The following SPPL2A variants were observed in gnomAD, a reference collection of about 807,000 sequenced individuals.
SPPL2A encodes signal peptide peptidase-like 2A.
In SPPL2A, 51 loss-of-function variants were observed where a neutral mutation model predicts 63.8. The ratio of observed to expected loss-of-function variants is 0.80; its 90% CI spans 0.64 to 1.01. SPPL2A has a LOEUF of 1.01. SPPL2A is among the 50% of genes least tolerant of loss of function. The pLI is 0.00. For synonymous variants in SPPL2A, 188 were observed against 205.8 expected, an observed-to-expected ratio of 0.91 and a Z score of 0.74; for missense variants, 553 against 622.7, an observed-to-expected ratio of 0.89 and a Z score of 1.19.
intron 9 of SPPL2A, 43 bp downstream of exon 9, chr15:50,732,560 T>TA: frequency 7.9e-7 from 1 of 1,259,550 alleles, no homozygotes; most frequent in Non-Finnish European, 1.1e-6. Flanking sequence ...AGTTGTCTTT[T>TA]AAAAATTTAT....
Position 50,707,643 on chromosome 15 carries a change from T to C in SPPL2A, c.*157A>G. 1 of 570,844 alleles carries C rather than the reference T, an allele frequency of 1.8e-6. No individual in the cohort carries two copies. The highest frequency in any genetic ancestry group is 2.4e-5 in the South Asian group (1 of 41,454). 35.4% of individuals were successfully genotyped at this position (570,844 alleles called of 1,614,324 possible). On this transcript the variant is annotated 3_prime_UTR_variant, in exon 15 of 15. Coordinates refer to ENST00000261854, the MANE Select transcript of SPPL2A (RefSeq NM_032802.4). ...TAACATTAAAAGCAAAGCGTTTTAG[T>C]TATTTATGATGTAACTGTCAGTACC...
rs137939227 is a variant in SPPL2A at position 50,729,150 on chromosome 15, A to C, written c.1089+1815T>G. 9.0e-4 allele frequency among the ~76,000 whole-genome samples: 137 copies of C among 152,258 alleles called. 1 individual carries two copies. The highest frequency in any genetic ancestry group is 3.1e-3 in the African/African-American group (129 of 41,544). ...GTATTTTTAGTAGAGATACAGTTTTACCATGTTGGCCAGGCTGGTCTCGAA... is the reference window on the plus strand; with the variant it reads ...GTATTTTTAGTAGAGATACAGTTTTCCCATGTTGGCCAGGCTGGTCTCGAA... On this transcript the variant is annotated intron_variant, in intron 10 of 14. Coordinates refer to ENST00000261854, the MANE Select transcript of SPPL2A (RefSeq NM_032802.4).
intron 8 of SPPL2A, among the ~76,000 whole-genome samples, chr15:50,734,671 T>C (rs1271961892): frequency 6.6e-6 from 1 of 151,786 alleles, no homozygotes; most frequent in Non-Finnish European, 1.5e-5. Context: ...ACTAAAAGAG[T>C]GAAATTGGAA....
chr15:50,757,505 T>C (rs1372051273), intron 1 of SPPL2A, among the ~76,000 whole-genome samples: 2 of 152,176 alleles, frequency 1.3e-5, no homozygotes, highest in Non-Finnish European at 2.9e-5. Context: ...TACAGGCCAA[T>C]TCCTTCAGAC....
intron 14 of SPPL2A, among the ~76,000 whole-genome samples, chr15:50,710,497 A>T (rs1454835926): frequency 1.3e-5 from 2 of 152,214 alleles, no homozygotes; most frequent in Non-Finnish European, 2.9e-5. Context: ...ACAAAGTTTT[A>T]AAAAATATGA....
chr15:50,716,677 C>A (rs188059835), intron 14 of SPPL2A, among the ~76,000 whole-genome samples: 1 of 152,268 alleles, frequency 6.6e-6, no homozygotes, highest in African/African-American at 2.4e-5. Context: ...GATTTAATGT[C>A]AACTCACAAT....
At position 50,757,089 on chromosome 15, in the gene SPPL2A, C is replaced by CTTTTTTTTCTTTTTT. The variant is rs1555445041; in HGVS notation, c.67-7344_67-7343insAAAAAAGAAAAAAAA. Reference sequence around the variant, plus strand: ...GTTCCTCCCACATCCTAAATCCTTTCTTTTTTTTTTTGAGACAGAGTCTCA... The same window carrying CTTTTTTTTCTTTTTT: ...GTTCCTCCCACATCCTAAATCCTTTCTTTTTTTTCTTTTTTTTTTTTTTTTTGAGACAGAGTCTCA... On this transcript the variant is annotated intron_variant, in intron 1 of 14. Transcript: ENST00000261854. Among the ~76,000 whole-genome samples the CTTTTTTTTCTTTTTT allele has an allele frequency of 3.1e-5, 4 of 128,374 alleles. 1 individual carries two copies. The highest frequency in any genetic ancestry group is 1.2e-4 in the African/African-American group (4 of 32,656). 84.2% of individuals were successfully genotyped at this position (128,374 alleles called of 152,430 possible).
At chr15:50,746,212 G>T (rs1209608168) in intron 5 of SPPL2A, among the ~76,000 whole-genome samples, 1 of 151,700 alleles carries the variant, frequency 6.6e-6, no homozygotes, top group Non-Finnish European at 1.5e-5. Context: ...GGCCAAGGCG[G>T]GCAGATCAAA....
In SPPL2A at chr15:50,749,879, T is replaced by C. The variant is rs573644803; in HGVS notation, c.67-133A>G. On this transcript the variant is annotated intron_variant, in intron 1 of 14. Transcript: ENST00000261854. ...GGATGGTCTTCCATGAATTTGTTTC[T>C]TCTTGTTTGAGGAAATAAAAAGGAT... The C allele has an allele frequency of 1.7e-4, 110 of 642,512 alleles. 1 individual carries two copies. The East Asian group carries it at 2.8e-3, about 17-fold the overall frequency. The allele number at this position is 642,512 out of a possible 1,614,324, so 39.8% of individuals were successfully genotyped here. A position where few individuals can be genotyped will look rare whatever the true frequency, so the allele number is the denominator to read the frequency against.
Position 50,748,868 on chromosome 15 carries a change from A to G in SPPL2A, c.180T>C (p.Thr60=), listed in dbSNP as rs575163289. 5 of 1,561,594 alleles carry G rather than the reference A, an allele frequency of 3.2e-6. No individual in the cohort carries two copies. In the East Asian group the frequency reaches 1.2e-4, roughly 36 times the overall value. The change falls in exon 3 of 15, where the codon ACT becomes ACC. Residue 60 remains threonine (T), a splice_region_variant and synonymous_variant. Transcript: ENST00000261854. ...AAGTCAGATTCATCAAACTAATGGA[A>G]GTCTGAAAATAAGAAATGTCTTTTT... The part of the protein sequence containing the change: ...TALPSTLENA[T]SISLMNLTST...
chr15:50,752,907 G>C (rs934509524), intron 1 of SPPL2A, among the ~76,000 whole-genome samples: 1 of 152,034 alleles, frequency 6.6e-6, no homozygotes, highest in East Asian at 1.9e-4. Flanking sequence ...GCATGCTGCT[G>C]CTCAAGTGGT....
chr15:50,706,379 G>A lies in SPPL2A; in HGVS notation c.*1421C>T, dbSNP rs1181080497. 2.7e-5 allele frequency: 3 copies of A among 112,238 alleles called. No homozygotes were observed. The highest frequency in any genetic ancestry group is 1.0e-4 in the African/African-American group (3 of 29,658). The allele number at this position is 112,238 out of a possible 1,614,324, so 7.0% of individuals were successfully genotyped here. A position where few individuals can be genotyped will look rare whatever the true frequency, so the allele number is the denominator to read the frequency against. On this transcript the variant is annotated 3_prime_UTR_variant, in exon 15 of 15. Coordinates refer to ENST00000261854, the MANE Select transcript of SPPL2A (RefSeq NM_032802.4). ...CACTCCAGCCTGGGCGACAGAGCGA[G>A]ACTCCGTCTCAAAAAAAAAAAAAAA...
At chr15:50,721,993 C>A in intron 13 of SPPL2A, 131 bp downstream of exon 13, 1 of 573,764 alleles carries the variant, frequency 1.7e-6, no homozygotes, top group Non-Finnish European at 3.1e-6. Context: ...CCTGCCTTGG[C>A]CCCCAAAGTG....
intron 8 of SPPL2A, among the ~76,000 whole-genome samples, 167 bp downstream of exon 8, chr15:50,735,934 G>A (rs1044852722): frequency 2.0e-5 from 3 of 152,106 alleles, no homozygotes; most frequent in Non-Finnish European, 2.9e-5. Context: ...CTCTATATGA[G>A]TTCAAATGCA....
chr15:50,736,736 A>G lies in SPPL2A; in HGVS notation c.738T>C (p.Tyr246=). The G allele has an allele frequency of 6.3e-7, 1 of 1,578,478 alleles. No homozygotes were observed. Among genetic ancestry groups the G allele is most frequent in the Non-Finnish European group, 8.7e-7 (1 of 1,148,878 alleles). ...LLYFFYKWLV[Y]VMIAIFCIAS... ...CTATGCAGAAAATTGCTATCATAAC[A>G]TAAACTGAAAAAAACAAAACACTAA... is the stretch of plus-strand genomic sequence containing the variant. The change falls in exon 7 of 15, where the codon TAT becomes TAC. Residue 246 remains tyrosine, a synonymous_variant. Coordinates refer to ENST00000261854, the MANE Select transcript of SPPL2A (RefSeq NM_032802.4).
chr15:50,712,670 TC>T (rs376175768), intron 14 of SPPL2A, among the ~76,000 whole-genome samples: 4,246 of 53,862 alleles, frequency 0.079, 161 homozygotes, highest in African/African-American at 0.23. Context: ...CCTCCCTCCC[TC>T]CCCCCCCCTT....
rs79563377 is a variant in SPPL2A at position 50,747,005 on chromosome 15, T to C, written c.584+490A>G. On this transcript the variant is annotated intron_variant, in intron 5 of 14. Coordinates refer to ENST00000261854, the MANE Select transcript of SPPL2A (RefSeq NM_032802.4). Reference sequence around the variant, plus strand: ...ATAAAAAGTGACAGTAGTACCATTTTAGTTGGCCTGAATGTTTTCAAGCCT... The same window carrying C: ...ATAAAAAGTGACAGTAGTACCATTTCAGTTGGCCTGAATGTTTTCAAGCCT... Among the ~76,000 whole-genome samples the C allele has an allele frequency of 5.9e-3, 901 of 152,284 alleles. 15 individuals are homozygous for C. The highest frequency in any genetic ancestry group is 0.021 in the African/African-American group (866 of 41,552).
intron 1 of SPPL2A, among the ~76,000 whole-genome samples, chr15:50,764,196 A>T: frequency 6.6e-6 from 1 of 152,242 alleles, no homozygotes; most frequent in East Asian, 1.9e-4. Flanking sequence ...AATGAATGCA[A>T]AAACACTTTG....
intron 10 of SPPL2A, among the ~76,000 whole-genome samples, chr15:50,728,914 A>C (rs1339078370): frequency 6.6e-6 from 1 of 151,396 alleles, no homozygotes; most frequent in African/African-American, 2.4e-5. Flanking sequence ...TGTGGGTTCA[A>C]GCGATTCTCC....
Sources: allele counts gnomAD v4.1 joint callset (sites outside exome capture counted in the v4.1 genomes callset), GRCh38; gene constraint gnomAD v4.1.1; transcripts MANE v1.5; gene names NCBI Gene and HGNC (gene_info 2026-07-23, HGNC 2026-07-21).